The following CEP72 variants were observed in gnomAD, a reference collection of about 807,000 sequenced individuals.
The protein encoded by CEP72 is centrosomal protein of 72 kDa.
In CEP72, 78 loss-of-function variants were observed where a neutral mutation model predicts 65.7. The ratio of observed to expected loss-of-function variants is 1.19; its 90% CI spans 0.99 to 1.43. The LOEUF (loss-of-function observed/expected upper bound fraction) is 1.43, where lower values mean the gene tolerates loss of function less well. Among genes scored for constraint, CEP72 ranks in the 40% most tolerant of loss-of-function variants. The probability of loss-of-function intolerance (pLI) is 0.00; values close to 1 mark genes in which losing one functional copy is unlikely to be tolerated. For missense variants in CEP72, 914 were observed against 832.9 expected, an observed-to-expected ratio of 1.10 and a Z score of -1.20; for synonymous variants, 358 against 351.7, an observed-to-expected ratio of 1.02 and a Z score of -0.20.
chr5:667,446 TG>T (rs1282613322), downstream of CEP72, among the ~76,000 whole-genome samples: 2 of 152,204 alleles, frequency 1.3e-5, no homozygotes, highest in African/African-American at 4.8e-5. Context: ...GTCCTAATTA[TG>T]AAACTAAAAC....
At chr5:639,359 C>T in intron 8 of CEP72, 135 bp downstream of exon 8, 1 of 1,026,436 alleles carries the variant, frequency 9.7e-7, no homozygotes. Flanking sequence ...TGTGGTGGTC[C>T]CGCGCCTGGG....
chr5:666,365 C>T (rs934399056), intron 4 of CEP72, among the ~76,000 whole-genome samples: 4 of 152,240 alleles, frequency 2.6e-5, no homozygotes, highest in Admixed American at 6.5e-5. Context: ...AGGGTGTGTG[C>T]GGGTCTGCAC....
chr5:673,992 A>G, the CEP72 span, among the ~76,000 whole-genome samples: 1 of 152,158 alleles, frequency 6.6e-6, no homozygotes, highest in African/African-American at 2.4e-5. Context: ...CCATAGTTTG[A>G]AAGCAACTTT....
downstream of CEP72, chr5:659,951 C>G (rs568750308): frequency 6.6e-6 from 1 of 152,322 alleles, no homozygotes; most frequent in African/African-American, 2.4e-5. Flanking sequence ...CACACAGACA[C>G]GAGCTGTTTC....
downstream of CEP72, among the ~76,000 whole-genome samples, chr5:659,664 C>T (rs953666114): frequency 7.9e-5 from 12 of 152,318 alleles, no homozygotes; most frequent in South Asian, 2.1e-4. Context: ...ATGGCTGGTC[C>T]GCCTGCTCCT....
At chr5:659,533 G>A (rs1437107750), downstream of CEP72, among the ~76,000 whole-genome samples, 1 of 152,204 alleles carries the variant, frequency 6.6e-6, no homozygotes, top group Non-Finnish European at 1.5e-5. Context: ...ATAGCAGCCT[G>A]TGATGACATT....
chr5:635,685 A>T, intron 6 of CEP72, 101 bp downstream of exon 6: 1 of 1,000,444 alleles, frequency 1.0e-6, no homozygotes, highest in Admixed American at 2.1e-5. Flanking sequence ...ATGGTTCTGG[A>T]GGCTGGGAAG....
At chr5:641,429 G>A (rs917121967) in intron 9 of CEP72, 30 of 985,284 alleles carry the variant, frequency 3.0e-5, no homozygotes, top group East Asian at 1.1e-4. Flanking sequence ...GGACGGCTTC[G>A]AAAACTGCCT....
At chr5:672,990 C>T in the CEP72 span, among the ~76,000 whole-genome samples, 1 of 152,314 alleles carries the variant, frequency 6.6e-6, no homozygotes, top group African/African-American at 2.4e-5. Context: ...GCCATGGCAA[C>T]CTGCCCTGAA....
At position 624,546 on chromosome 5, in the gene CEP72, AAG is replaced by A; in HGVS notation, c.484_485del (p.Ser162ArgfsTer32). 1 of 1,613,894 alleles carries A rather than the reference AAG, an allele frequency of 6.2e-7. No homozygotes were observed. Among genetic ancestry groups the A allele is most frequent in the Non-Finnish European group, 8.5e-7 (1 of 1,179,772 alleles). ...GCATCAGAGGACTCACTCGACTCCA[AAG>A]AGAGCGTCCCAGCTTCTTTGAAAGA... On this transcript the variant is annotated frameshift_variant, in exon 4 of 12. Coordinates refer to ENST00000264935, the MANE Select transcript of CEP72 (RefSeq NM_018140.4). LOFTEE classifies it high-confidence loss of function. This position sits in a 1 kb window ranked among gnomAD's most constrained non-coding sequence, Gnocchi z 4.7.
At chr5:652,590 G>T (rs1435282135) in intron 11 of CEP72, among the ~76,000 whole-genome samples, 2 of 152,192 alleles carry the variant, frequency 1.3e-5, no homozygotes, top group African/African-American at 4.8e-5. Context: ...ATTTGACTGG[G>T]AATTAGAACT....
chr5:633,645 G>T, intron 4 of CEP72, 124 bp from the exon 5 acceptor site: 1 of 876,234 alleles, frequency 1.1e-6, no homozygotes, highest in East Asian at 2.4e-5. Context: ...GGACCCGGCT[G>T]CCCCACGTTT....
chr5:645,736 G>T lies in CEP72; in HGVS notation c.1666+1311G>T, dbSNP rs1298833730. ...TCTGCCCCTGAACTGGAACAACAGA[G>T]TAAATAATAGTCTAACTTGTCTTTG... is the stretch of plus-strand genomic sequence containing the variant. On this transcript the variant is annotated intron_variant, in intron 10 of 11. Transcript: ENST00000264935. The surrounding 1 kb of genome is among the most constrained non-coding windows in gnomAD (Gnocchi z 4.0). Among the ~76,000 whole-genome samples the T allele has an allele frequency of 6.6e-6, 1 of 152,250 alleles. No individual in the cohort carries two copies. Among genetic ancestry groups the T allele is most frequent in the Non-Finnish European group, 1.5e-5 (1 of 68,050 alleles).
At chr5:663,517 C>G (rs974617630) in exon 2 of CEP72, 1 of 152,448 alleles carries the variant, frequency 6.6e-6, no homozygotes, top group Non-Finnish European at 1.5e-5. Flanking sequence ...CGCCCCCCAG[C>G]CCTCAGCGGA....
At position 645,461 on chromosome 5, in the gene CEP72, GAAAA is replaced by G. The variant is rs532665849; in HGVS notation, c.1666+1048_1666+1051del. Among the ~76,000 whole-genome samples, 4 of 135,002 alleles carry G rather than the reference GAAAA, an allele frequency of 3.0e-5. No homozygotes were observed. Among genetic ancestry groups the G allele is most frequent in the Admixed American group, 7.3e-5 (1 of 13,608 alleles). 88.6% of individuals were successfully genotyped at this position (135,002 alleles called of 152,430 possible). On this transcript the variant is annotated intron_variant, in intron 10 of 11. Transcript: ENST00000264935. This position sits in a 1 kb window ranked among gnomAD's most constrained non-coding sequence, Gnocchi z 4.0. ...CATCATTTCGTCGTAAAGGTGATGAGAAAAAAAAAAAAAAACAGTTCCCTGCCCG... is the reference window on the plus strand; with the variant it reads ...CATCATTTCGTCGTAAAGGTGATGAGAAAAAAAAAAACAGTTCCCTGCCCG...
At chr5:619,215 A>T in intron 2 of CEP72, 98 bp downstream of exon 2, 1 of 1,128,012 alleles carries the variant, frequency 8.9e-7, no homozygotes, top group Non-Finnish European at 1.3e-6. Flanking sequence ...CCCTCTGCTT[A>T]CATCTGTATA....
chr5:675,100 C>T, the CEP72 span, among the ~76,000 whole-genome samples: 1 of 10,202 alleles, frequency 9.8e-5, no homozygotes, highest in Non-Finnish European at 1.7e-4. Context: ...TCAGTGTGGT[C>T]AGGGGTGCAG....
Position 638,681 on chromosome 5 carries a change from G to C in CEP72, c.1207-408G>C, listed in dbSNP as rs147715844. Among the ~76,000 whole-genome samples, 906 of 152,258 alleles carry C rather than the reference G, an allele frequency of 6.0e-3. 31 individuals are homozygous for C. The highest frequency in any genetic ancestry group is 0.051 in the Admixed American group (775 of 15,290). ...GTTTCAGGGTTATTGTTTGACTCCG[G>C]GCCATTGCTGGGGACAGCGCCTGGC... On this transcript the variant is annotated intron_variant, in intron 7 of 11. Transcript: ENST00000264935.
downstream of CEP72, among the ~76,000 whole-genome samples, chr5:667,458 T>C (rs1032500521): frequency 2.6e-5 from 4 of 152,120 alleles, no homozygotes; most frequent in Admixed American, 6.5e-5. Context: ...AAACTAAAAC[T>C]TCTAGAAGAA....
Sources: allele counts gnomAD v4.1 joint callset (sites outside exome capture counted in the v4.1 genomes callset), GRCh38; gene constraint gnomAD v4.1.1; non-coding constraint Gnocchi (gnomAD v3.1); transcripts MANE v1.5; gene names NCBI Gene and HGNC (gene_info 2026-07-23, HGNC 2026-07-21).